The following PITPNC1 variants were observed in gnomAD, a reference collection of about 807,000 sequenced individuals.
PITPNC1 encodes the protein cytoplasmic phosphatidylinositol transfer protein 1.
Under a neutral mutation model 44.7 loss-of-function variants are expected in PITPNC1, and 18 were observed. That is an observed-to-expected ratio of 0.40 (90% CI 0.28 to 0.60). The LOEUF (loss-of-function observed/expected upper bound fraction) is 0.60, where lower values mean the gene tolerates loss of function less well. Ranked by LOEUF, PITPNC1 falls within the 20% of genes least tolerant of loss-of-function variation. The pLI, the probability that PITPNC1 is intolerant of heterozygous loss-of-function variation, is 0.39. For missense variants in PITPNC1, 290 were observed against 418.4 expected (o/e 0.69, Z 2.68); for synonymous variants, 141 against 149.6 (o/e 0.94, Z 0.42).
chr17:67,380,411 T>C (rs2037940727), intron 1 of PITPNC1, among the ~76,000 whole-genome samples: 1 of 152,142 alleles, frequency 6.6e-6, no homozygotes, highest in Admixed American at 6.5e-5. Flanking sequence ...AAAATCAGAC[T>C]CATCAGACTC....
intron 1 of PITPNC1, among the ~76,000 whole-genome samples, chr17:67,479,092 C>A (rs1412402934): frequency 6.6e-6 from 1 of 152,062 alleles, no homozygotes; most frequent in Non-Finnish European, 1.5e-5. Context: ...ATCCAAACCA[C>A]CCCCAATATT....
At chr17:67,495,142 C>T (rs1409548320) in intron 1 of PITPNC1, among the ~76,000 whole-genome samples, 4 of 141,126 alleles carry the variant, frequency 2.8e-5, no homozygotes, top group Non-Finnish European at 6.0e-5. Context: ...CTGCAAGCTC[C>T]GCCTCCCGGG....
chr17:67,420,910 G>T (rs74846238), intron 1 of PITPNC1, among the ~76,000 whole-genome samples: 1,604 of 152,300 alleles, frequency 0.011, 23 homozygotes, highest in African/African-American at 0.036. Flanking sequence ...AGTCAGGAAT[G>T]TCTAATGTGG....
chr17:67,450,368 A>T (rs937079657), intron 1 of PITPNC1, among the ~76,000 whole-genome samples: 10 of 111,392 alleles, frequency 9.0e-5, no homozygotes, highest in Non-Finnish European at 8.8e-5. Context: ...TGCACGGGAG[A>T]CTTCGTTAAA....
intron 1 of PITPNC1, among the ~76,000 whole-genome samples, chr17:67,470,579 G>C (rs1021409539): frequency 1.3e-5 from 2 of 151,984 alleles, no homozygotes; most frequent in South Asian, 2.1e-4. Context: ...AGGGAGGTGG[G>C]GGGGGTCAGC....
chr17:67,455,157 T>C (rs1180157252), intron 1 of PITPNC1, among the ~76,000 whole-genome samples: 1 of 152,180 alleles, frequency 6.6e-6, no homozygotes, highest in Non-Finnish European at 1.5e-5. Flanking sequence ...GCCCATACTA[T>C]GCATACTGCT....
At chr17:67,625,022 T>G (rs775036098) in intron 5 of PITPNC1, among the ~76,000 whole-genome samples, 8 of 152,200 alleles carry the variant, frequency 5.3e-5, no homozygotes, top group Non-Finnish European at 1.0e-4. Context: ...TAGGTTCATA[T>G]TTAAAGGAAT....
intron 2 of PITPNC1, among the ~76,000 whole-genome samples, chr17:67,540,540 G>A (rs899096458): frequency 6.6e-5 from 10 of 152,106 alleles, no homozygotes; most frequent in South Asian, 6.2e-4. Flanking sequence ...AAATAAAATC[G>A]AAAATATAAA....
chr17:67,662,829 G>A lies in PITPNC1; in HGVS notation c.463-6679G>A, dbSNP rs188720875. 7.9e-5 allele frequency among the ~76,000 whole-genome samples: 12 copies of A among 152,236 alleles called. No homozygotes were observed. The East Asian group carries it at 2.1e-3, about 27-fold the overall frequency. ...GGGTACATGTGCAGAATAGTTATAT[G>A]GGAATATTGTGTAATGCTGAGGTTT... On this transcript the variant is annotated intron_variant, in intron 6 of 8. Coordinates refer to ENST00000581322, the MANE Select transcript of PITPNC1 (RefSeq NM_012417.4).
chr17:67,523,541 C>T (rs1322472378), intron 1 of PITPNC1, among the ~76,000 whole-genome samples: 3 of 150,010 alleles, frequency 2.0e-5, no homozygotes, highest in Non-Finnish European at 4.4e-5. Context: ...GCGAGGTATT[C>T]TATTAGTTCC....
At chr17:67,510,520 C>T (rs2040171251) in intron 1 of PITPNC1, among the ~76,000 whole-genome samples, 1 of 152,128 alleles carries the variant, frequency 6.6e-6, no homozygotes, top group South Asian at 2.1e-4. Context: ...GCCTCAAGCC[C>T]TTCACTACTC....
chr17:67,693,889 G>A lies in PITPNC1; in HGVS notation c.*1001G>A, dbSNP rs2042970211. 6.6e-6 allele frequency: 1 copy of A among 152,128 alleles called. No homozygotes were observed. Among genetic ancestry groups the A allele is most frequent in the East Asian group, 1.9e-4 (1 of 5,198 alleles). The allele number at this position is 152,128 out of a possible 1,614,324, so 9.4% of individuals were successfully genotyped here. On this transcript the variant is annotated 3_prime_UTR_variant, in exon 9 of 9. Coordinates refer to ENST00000581322, the MANE Select transcript of PITPNC1 (RefSeq NM_012417.4). Reference sequence around the variant, plus strand: ...CTTGTTTTACTCTTAGTAACATCCAGAATTCCCTGGAACAGATTGCCTACC... The same window carrying A: ...CTTGTTTTACTCTTAGTAACATCCAAAATTCCCTGGAACAGATTGCCTACC...
chr17:67,545,442 G>A (rs1265810988), intron 2 of PITPNC1, among the ~76,000 whole-genome samples: 3 of 152,034 alleles, frequency 2.0e-5, no homozygotes, highest in Admixed American at 2.0e-4. Flanking sequence ...ACCAGGTGTG[G>A]TGGCATGCCT....
In PITPNC1 at chr17:67,476,188, C is replaced by CTT. The variant is rs10633927; in HGVS notation, c.49-56600_49-56599dup. On this transcript the variant is annotated intron_variant, in intron 1 of 8. Coordinates refer to ENST00000581322, the MANE Select transcript of PITPNC1 (RefSeq NM_012417.4). ...CCTAGAGACTAAATTTCTTTCTTTTCTTTTTTTTTTTTTTTGAGATGGAGT... is the reference window on the plus strand; with the variant it reads ...CCTAGAGACTAAATTTCTTTCTTTTCTTTTTTTTTTTTTTTTTGAGATGGAGT... 8.4e-4 allele frequency among the ~76,000 whole-genome samples: 116 copies of CTT among 137,698 alleles called. 6 individuals carry two copies. The highest frequency in any genetic ancestry group is 1.8e-3 in the African/African-American group (67 of 36,916). The allele number at this position is 137,698 out of a possible 152,430, so 90.3% of individuals were successfully genotyped here.
chr17:67,544,830 C>A (rs2040656250), intron 2 of PITPNC1, among the ~76,000 whole-genome samples: 1 of 152,148 alleles, frequency 6.6e-6, no homozygotes, highest in African/African-American at 2.4e-5. Context: ...AGATCTTCCC[C>A]AAAATAAGCT....
intron 2 of PITPNC1, among the ~76,000 whole-genome samples, chr17:67,538,628 T>C (rs1420715001): frequency 6.6e-6 from 1 of 151,886 alleles, no homozygotes; most frequent in Non-Finnish European, 1.5e-5. Context: ...GATAGATAAA[T>C]TCCAGATTGA....
At chr17:67,653,027 G>A (rs11652841) in intron 6 of PITPNC1, among the ~76,000 whole-genome samples, 24,791 of 152,082 alleles carry the variant, frequency 0.16, 2,259 homozygotes, top group Middle Eastern at 0.26. Context: ...CACGCCTATG[G>A]TCCCAGCACT....
intron 1 of PITPNC1, among the ~76,000 whole-genome samples, chr17:67,439,431 A>G (rs1304410249): frequency 6.6e-6 from 1 of 152,206 alleles, no homozygotes; most frequent in Non-Finnish European, 1.5e-5. Context: ...GTGACAACCC[A>G]CAGCCTCAGC....
At chr17:67,669,838 G>A (rs564667259) in intron 7 of PITPNC1, among the ~76,000 whole-genome samples, 175 bp downstream of exon 7, 2 of 152,238 alleles carry the variant, frequency 1.3e-5, no homozygotes, top group South Asian at 2.1e-4. Flanking sequence ...TTGGGAGGCC[G>A]AGGCGGGTAG....
Sources: gnomAD v4.1 joint callset for allele counts (sites outside exome capture counted in the v4.1 genomes callset) on GRCh38, gnomAD v4.1.1 for gene constraint, MANE v1.5 for transcripts, NCBI Gene and HGNC (gene_info 2026-07-23, HGNC 2026-07-21) for gene names.